ZRANB3: variants seen among roughly 807,000 people sequenced by gnomAD.
ZRANB3 encodes the protein DNA annealing helicase and endonuclease ZRANB3.
Under a neutral mutation model 133.8 loss-of-function variants are expected in ZRANB3, and 125 were observed. The ratio of observed to expected loss-of-function variants is 0.93; its 90% CI spans 0.81 to 1.08. The LOEUF (loss-of-function observed/expected upper bound fraction) is 1.08, where lower values mean the gene tolerates loss of function less well. ZRANB3 is among the 50% of genes least tolerant of loss of function. The probability of loss-of-function intolerance (pLI) is 0.00; values close to 1 mark genes in which losing one functional copy is unlikely to be tolerated. For synonymous variants in ZRANB3, 387 were observed against 432.7 expected (o/e 0.89, Z 1.31); for missense variants, 1,229 against 1,275.5 (o/e 0.96, Z 0.56).
At chr2:135,418,181 T>C (rs1240593663) in intron 2 of ZRANB3, among the ~76,000 whole-genome samples, 1 of 152,180 alleles carries the variant, frequency 6.6e-6, no homozygotes, top group Non-Finnish European at 1.5e-5. Flanking sequence ...AACAATTATT[T>C]ACATAGCATT....
chr2:135,530,893 G>A (rs553216934), intron 1 of ZRANB3, among the ~76,000 whole-genome samples: 1 of 152,158 alleles, frequency 6.6e-6, no homozygotes, highest in East Asian at 1.9e-4. Flanking sequence ...ATGAGTAGGG[G>A]AAAAGCATGT....
intron 1 of ZRANB3, among the ~76,000 whole-genome samples, chr2:135,521,079 C>G (rs1287232495): frequency 6.6e-6 from 1 of 152,200 alleles, no homozygotes; most frequent in East Asian, 1.9e-4. Context: ...ATTATCCTCA[C>G]GTTAAGGACA....
At chr2:135,451,408 A>G (rs894307583) in intron 2 of ZRANB3, among the ~76,000 whole-genome samples, 1 of 152,084 alleles carries the variant, frequency 6.6e-6, no homozygotes, top group Admixed American at 6.6e-5. Context: ...CTAAAAATAC[A>G]AAACTTAGCC....
chr2:135,340,850 C>T (rs1051474548), intron 6 of ZRANB3, among the ~76,000 whole-genome samples: 9 of 149,890 alleles, frequency 6.0e-5, no homozygotes, highest in South Asian at 2.1e-4. Context: ...AGTGAGATTC[C>T]GTCTCAAAAA....
chr2:135,224,570 A>T (rs1423199802), intron 14 of ZRANB3, 53 bp from the exon 15 acceptor site: 1 of 1,340,228 alleles, frequency 7.5e-7, no homozygotes, highest in Non-Finnish European at 1.1e-6. Flanking sequence ...TCTATCTAAA[A>T]TAGCTTATTT....
At chr2:135,523,588 T>C (rs1462672131) in intron 1 of ZRANB3, among the ~76,000 whole-genome samples, 1 of 152,230 alleles carries the variant, frequency 6.6e-6, no homozygotes, top group Non-Finnish European at 1.5e-5. Context: ...AGGTACTGTT[T>C]TAAGTATTTT....
At chr2:135,506,024 C>T (rs1413813139) in intron 1 of ZRANB3, among the ~76,000 whole-genome samples, 1 of 152,038 alleles carries the variant, frequency 6.6e-6, no homozygotes, top group African/African-American at 2.4e-5. Flanking sequence ...AAGAGAAGAG[C>T]AGTCCGAGGA....
intron 1 of ZRANB3, among the ~76,000 whole-genome samples, chr2:135,515,868 T>C (rs1302702061): frequency 6.6e-6 from 1 of 152,202 alleles, no homozygotes; most frequent in East Asian, 1.9e-4. Context: ...TGTCTAATAT[T>C]GACAGTGGGG....
chr2:135,501,639 T>C (rs1261404161), intron 2 of ZRANB3, among the ~76,000 whole-genome samples: 1 of 152,172 alleles, frequency 6.6e-6, no homozygotes, highest in African/African-American at 2.4e-5. Flanking sequence ...GGTATAGTTA[T>C]TAGGTCTCTC....
intron 2 of ZRANB3, among the ~76,000 whole-genome samples, chr2:135,449,395 G>T (rs139394102): frequency 6.6e-6 from 1 of 152,128 alleles, no homozygotes; most frequent in Non-Finnish European, 1.5e-5. Context: ...CAAGGTGGGC[G>T]GATCACCTGA....
intron 8 of ZRANB3, among the ~76,000 whole-genome samples, chr2:135,294,020 G>A (rs1477586254): frequency 1.3e-5 from 2 of 152,144 alleles, no homozygotes; most frequent in African/African-American, 4.8e-5. Context: ...GAGGATTTTT[G>A]CATCAGTGTT....
At position 135,454,539 on chromosome 2, in the gene ZRANB3, A is replaced by C. The variant is rs529082030; in HGVS notation, c.161+49790T>G. The stretch of plus-strand genomic sequence containing the variant: ...TGGGCTTTTAGTCTACTATACACCC[A>C]AATAGTGTACACTCTACCCAAAAGA... On this transcript the variant is annotated intron_variant, in intron 2 of 20. Transcript: ENST00000264159. 6.6e-5 allele frequency among the ~76,000 whole-genome samples: 10 copies of C among 152,248 alleles called. No homozygotes were observed. The South Asian group carries it at 1.7e-3, about 25-fold the overall frequency.
rs549554610 is a variant in ZRANB3 at position 135,404,428 on chromosome 2, C to T, written c.162-13608G>A. Among the ~76,000 whole-genome samples, 220 of 152,200 alleles carry T rather than the reference C, an allele frequency of 1.4e-3. 3 individuals are homozygous for T. Among genetic ancestry groups the T allele is most frequent in the Non-Finnish European group, 2.0e-3 (138 of 68,010 alleles). ...AAAGAATAAAAAGAAACGAACAAAG[C>T]CTCCAAGAAATATGGGACTATGTGA... On this transcript the variant is annotated intron_variant, in intron 2 of 20. Transcript: ENST00000264159.
intron 2 of ZRANB3, among the ~76,000 whole-genome samples, chr2:135,459,913 A>C (rs1027449589): frequency 1.3e-5 from 2 of 151,890 alleles, no homozygotes; most frequent in Non-Finnish European, 2.9e-5. Flanking sequence ...CATCCTAAAT[A>C]TTAAAGTCTA....
At chr2:135,512,858 T>C (rs1344555404) in intron 1 of ZRANB3, among the ~76,000 whole-genome samples, 2 of 152,152 alleles carry the variant, frequency 1.3e-5, no homozygotes, top group African/African-American at 4.8e-5. Context: ...CATATCTATC[T>C]ATAACCACAG....
At chr2:135,359,136 T>C (rs550507842) in intron 3 of ZRANB3, among the ~76,000 whole-genome samples, 26 of 152,202 alleles carry the variant, frequency 1.7e-4, no homozygotes, top group African/African-American at 5.8e-4. Context: ...GAAAGGTCCA[T>C]TGCATCTCTT....
At chr2:135,305,451 T>G (rs142755520) in intron 8 of ZRANB3, among the ~76,000 whole-genome samples, 1 of 152,260 alleles carries the variant, frequency 6.6e-6, no homozygotes, top group Admixed American at 6.5e-5. Flanking sequence ...AAACAATCCA[T>G]TCAGCCAGTC....
At chr2:135,224,001 C>T (rs548494032) in intron 15 of ZRANB3, among the ~76,000 whole-genome samples, 33 of 152,246 alleles carry the variant, frequency 2.2e-4, no homozygotes, top group Admixed American at 2.2e-3. Flanking sequence ...ATCCTGTCTG[C>T]ATTTTATTTT....
intron 2 of ZRANB3, among the ~76,000 whole-genome samples, chr2:135,445,875 CAAAA>C (rs60336414): frequency 1.0e-5 from 1 of 95,702 alleles, no homozygotes; most frequent in African/African-American, 3.1e-5. Context: ...GACTCCATCT[CAAAA>C]AAAAAAAAAA....
Sources: gnomAD v4.1 joint callset for allele counts (sites outside exome capture counted in the v4.1 genomes callset) on GRCh38, gnomAD v4.1.1 for gene constraint, MANE v1.5 for transcripts, NCBI Gene and HGNC (gene_info 2026-07-23, HGNC 2026-07-21) for gene names.